SYNE1: variants seen among roughly 807,000 people sequenced by gnomAD.
SYNE1 encodes spectrin repeat containing nuclear envelope protein 1, also known as nesprin-1.
A neutral mutation model predicts 1,111.0 loss-of-function variants in SYNE1; 616 were observed. The ratio of observed to expected loss-of-function variants is 0.55; its 90% CI spans 0.52 to 0.59. The LOEUF is 0.59. Ranked by LOEUF, SYNE1 falls within the 20% of genes least tolerant of loss-of-function variation. The pLI, the probability that SYNE1 is intolerant of heterozygous loss-of-function variation, is 0.00. For synonymous variants in SYNE1, 3,855 were observed against 3,825.8 expected, an observed-to-expected ratio of 1.01 and a Z score of -0.28; for missense variants, 10,006 against 10,417.0, an observed-to-expected ratio of 0.96 and a Z score of 1.72.
intron 140 of SYNE1, 85 bp from the exon 141 acceptor site, chr6:152,136,903 A>T: frequency 6.7e-7 from 1 of 1,494,998 alleles, no homozygotes; most frequent in Admixed American, 1.7e-5. Context: ...GAATGAAAAG[A>T]TCCATTAATT....
Position 152,435,970 on chromosome 6 carries a change from G to A in SYNE1, c.4281C>T (p.Val1427=), listed in dbSNP as rs2098470611. ...QQQAKSIKEQ[V]KKLEDTLEED... ...CTTCAAGCGTGTCTTCTAATTTTTT[G>A]ACTTGTTCTTTGATTGACTTGGCCT... The change falls in exon 33 of 146, where the codon GTC becomes GTT. Residue 1427 remains valine (V), a synonymous_variant. Coordinates refer to ENST00000367255, the MANE Select transcript of SYNE1 (RefSeq NM_182961.4). The A allele has an allele frequency of 3.1e-6, 5 of 1,614,096 alleles. No individual in the cohort carries two copies. The highest frequency in any genetic ancestry group is 4.2e-6 in the Non-Finnish European group (5 of 1,179,992).
intron 6 of SYNE1, among the ~76,000 whole-genome samples, chr6:152,512,084 CA>C (rs1255938996): frequency 2.1e-5 from 3 of 146,044 alleles, no homozygotes; most frequent in Non-Finnish European, 4.5e-5. Context: ...GATGTTTGTA[CA>C]TTTTTTTTAT....
intron 8 of SYNE1, among the ~76,000 whole-genome samples, chr6:152,509,585 T>C (rs2099075011): frequency 6.6e-6 from 1 of 151,982 alleles, no homozygotes. Context: ...TCCACTATTA[T>C]CATATAAATG....
At chr6:152,275,399 G>A (rs571863141) in intron 98 of SYNE1, among the ~76,000 whole-genome samples, 60 of 152,094 alleles carry the variant, frequency 3.9e-4, no homozygotes, top group South Asian at 6.2e-4. Context: ...AGTTTATCAC[G>A]TTTCAAGTGA....
rs765915311 is a variant in SYNE1 at position 152,255,698 on chromosome 6, C to T, written c.19153G>A (p.Asp6385Asn). The T allele has an allele frequency of 3.7e-6, 6 of 1,614,114 alleles. No individual in the cohort carries two copies. Among genetic ancestry groups the T allele is most frequent in the Admixed American group, 3.3e-5 (2 of 60,014 alleles). ...QSIHLEQKLY[D>N]GVSATSTWLD... Reference sequence around the variant, plus strand: ...CAAGTAGAGGTGGCTGAGACTCCATCATACAACTTCTGCTCCAAGTGTATA... The same window carrying T: ...CAAGTAGAGGTGGCTGAGACTCCATTATACAACTTCTGCTCCAAGTGTATA... Residue 6385 changes from aspartate to asparagine, a missense_variant, in exon 103 of 146, where the codon GAT becomes AAT. This residue lies in a region of SYNE1 where 2,182 missense variants were observed against 2,287.8 expected (regional missense o/e 0.95). Transcript: ENST00000367255.
At chr6:152,379,800 A>G (rs1029282669) in intron 56 of SYNE1, among the ~76,000 whole-genome samples, 1 of 152,224 alleles carries the variant, frequency 6.6e-6, no homozygotes, top group Admixed American at 6.5e-5. Context: ...GGCCTCAACC[A>G]TTATTTTTAC....
intron 131 of SYNE1, among the ~76,000 whole-genome samples, chr6:152,162,409 G>GT (rs2153005863): frequency 6.6e-6 from 1 of 152,154 alleles, no homozygotes; most frequent in Non-Finnish European, 1.5e-5. Flanking sequence ...TTTTATTGGG[G>GT]TTTTAGTAGT....
At chr6:152,391,059 A>C (rs895343323) in intron 52 of SYNE1, among the ~76,000 whole-genome samples, 1 of 152,222 alleles carries the variant, frequency 6.6e-6, no homozygotes, top group Non-Finnish European at 1.5e-5. Flanking sequence ...TATTTACTAA[A>C]TCAAATTTAA....
Position 152,381,187 on chromosome 6 carries a change from C to T in SYNE1, c.8828G>A (p.Cys2943Tyr), listed in dbSNP as rs780529437. ...CATCTGGCTGACCAGGTTCTCCAAACAGCTCTGCGTTTGGAATACACTGTC... is the reference window on the plus strand; with the variant it reads ...CATCTGGCTGACCAGGTTCTCCAAATAGCTCTGCGTTTGGAATACACTGTC... ...WEDSVFQTQS[C>Y]LENLVSQMAL... The change falls in exon 56 of 146, where the codon TGT (cysteine) becomes TAT (tyrosine). Residue 2943 changes from cysteine to tyrosine, a missense_variant. Cys to Tyr is a radical substitution (Grantham distance 194, BLOSUM62 -2). Around this residue, in one of 7 missense-constraint regions of SYNE1, gnomAD observed 4,955 missense variants for 5,017.2 expected, o/e 0.99. Transcript: ENST00000367255. 4.3e-6 allele frequency: 7 copies of T among 1,614,132 alleles called. No homozygotes were observed. The highest frequency in any genetic ancestry group is 5.9e-6 in the Non-Finnish European group (7 of 1,180,054).
rs185758285 is a variant in SYNE1, at chr6:152,367,497, C to T, written c.9808-115G>A. 1,731 of 1,199,372 alleles carry T rather than the reference C, an allele frequency of 1.4e-3. 3 individuals are homozygous for T. Among genetic ancestry groups the T allele is most frequent in the Non-Finnish European group, 1.9e-3 (1,526 of 816,144 alleles). The allele number at this position is 1,199,372 out of a possible 1,614,324, so 74.3% of individuals were successfully genotyped here. Reference sequence around the variant, plus strand: ...CATGGCTTCATACGCTGCACAGATACGAGGCAAGTCTGGCCTAAATCTATG... The same window carrying T: ...CATGGCTTCATACGCTGCACAGATATGAGGCAAGTCTGGCCTAAATCTATG... On this transcript the variant is annotated intron_variant, in intron 61 of 145. Transcript: ENST00000367255.
rs190867604 is a variant in SYNE1 at position 152,401,259 on chromosome 6, G to T, written c.6908C>A (p.Thr2303Lys). Residue 2303 changes from threonine to lysine, a missense_variant, in exon 47 of 146, where the codon ACG becomes AAG. By Grantham distance (78) the Thr-to-Lys change is moderately conservative. Around this residue, in one of 7 missense-constraint regions of SYNE1, gnomAD observed 4,955 missense variants for 5,017.2 expected, o/e 0.99. Transcript: ENST00000367255. ...EVAKGTLKDF[T>K]AQSTQVEKFI... is the part of the protein sequence containing the mutation. Reference sequence around the variant, plus strand: ...CTTCTCCACTTGTGTACTTTGAGCCGTGAAATCCTTCAGGGTTCCTTTTGC... The same window carrying T: ...CTTCTCCACTTGTGTACTTTGAGCCTTGAAATCCTTCAGGGTTCCTTTTGC... The T allele has an allele frequency of 4.3e-6, 7 of 1,613,948 alleles. No individual in the cohort carries two copies. Among genetic ancestry groups the T allele is most frequent in the South Asian group, 1.1e-5 (1 of 91,090 alleles).
At chr6:152,446,372 T>G (rs1329070983) in intron 29 of SYNE1, among the ~76,000 whole-genome samples, 1 of 152,134 alleles carries the variant, frequency 6.6e-6, no homozygotes, top group African/African-American at 2.4e-5. Context: ...CATAGAACTA[T>G]TTTCAATTTG....
At chr6:152,563,697 T>C (rs567783456) in intron 3 of SYNE1, among the ~76,000 whole-genome samples, 1 of 152,196 alleles carries the variant, frequency 6.6e-6, no homozygotes, top group Admixed American at 6.5e-5. Flanking sequence ...ACTTCCAGAA[T>C]TGTTACTTTT....
intron 67 of SYNE1, among the ~76,000 whole-genome samples, chr6:152,354,010 C>T (rs2096790375): frequency 6.6e-6 from 1 of 152,164 alleles, no homozygotes; most frequent in Non-Finnish European, 1.5e-5. Context: ...TGCGGTGGCT[C>T]ACGCCTGTAG....
chr6:152,471,852 A>C, intron 15 of SYNE1, 87 bp from the exon 16 acceptor site: 1 of 1,347,936 alleles, frequency 7.4e-7, no homozygotes, highest in Non-Finnish European at 1.1e-6. Context: ...TCAGCCTTAA[A>C]TAGAATGCAG....
At chr6:152,423,214 A>G (rs1045419704) in intron 39 of SYNE1, among the ~76,000 whole-genome samples, 2 of 152,218 alleles carry the variant, frequency 1.3e-5, no homozygotes, top group East Asian at 3.9e-4. Context: ...CTGTCTTAAC[A>G]TGAAAACCTG....
chr6:152,581,527 T>C (rs994533971), intron 3 of SYNE1, among the ~76,000 whole-genome samples: 14 of 152,328 alleles, frequency 9.2e-5, no homozygotes, highest in South Asian at 2.1e-4. Context: ...TGGTGAGTAC[T>C]ATAGCAGACA....
At position 152,368,966 on chromosome 6, in the gene SYNE1, C is replaced by T. The variant is rs376694958; in HGVS notation, c.9807+6G>A. 213 of 1,614,006 alleles carry T rather than the reference C, an allele frequency of 1.3e-4. No individual in the cohort carries two copies. Among genetic ancestry groups the T allele is most frequent in the East Asian group, 1.8e-4 (8 of 44,892 alleles). ...ACACTCACACACAGCACGTGCCAGG[C>T]GTTACCTTTGTTAAATTGCTTAGCG... On this transcript the variant is annotated splice_donor_region_variant and intron_variant, in intron 61 of 145. Coordinates refer to ENST00000367255, the MANE Select transcript of SYNE1 (RefSeq NM_182961.4).
In SYNE1 at chr6:152,256,431, AAAATAAATAAAT is replaced by A. The variant is rs3038206; in HGVS notation, c.19104+191_19104+202del. On this transcript the variant is annotated intron_variant, in intron 102 of 145. Transcript: ENST00000367255. ...GGTGACAGAGTGAGACTCGGTCTAAAAAATAAATAAATAAATAAATAAATAAATAAATAAATA... is the reference window on the plus strand; with the variant it reads ...GGTGACAGAGTGAGACTCGGTCTAAAAAATAAATAAATAAATAAATAAATA... 2.5e-3 allele frequency among the ~76,000 whole-genome samples: 374 copies of A among 147,066 alleles called. 2 individuals are homozygous for A. The highest frequency in any genetic ancestry group is 8.4e-3 in the African/African-American group (332 of 39,328).
Sources: gnomAD v4.1 joint callset for allele counts (sites outside exome capture counted in the v4.1 genomes callset) on GRCh38, gnomAD v4.1.1 for gene constraint, gnomAD v4.1.1 regional missense constraint, MANE v1.5 for transcripts, NCBI Gene and HGNC (gene_info 2026-07-23, HGNC 2026-07-21) for gene names.